The following UMAD1 variants were observed in gnomAD, a reference collection of about 807,000 sequenced individuals.
UMAD1 encodes UBAP1-MVB12-associated (UMA)-domain containing protein 1.
In UMAD1, 8 loss-of-function variants were observed where a neutral mutation model predicts 6.1. That is an observed-to-expected ratio of 1.30 (90% CI 0.76 to 2.35). The LOEUF (loss-of-function observed/expected upper bound fraction) is 2.35, where lower values mean the gene tolerates loss of function less well. Ranked by LOEUF, UMAD1 falls within the 30% of genes most tolerant of loss-of-function variation. The pLI is 0.00. For synonymous variants in UMAD1, 56 were observed against 31.4 expected (o/e 1.78, Z -2.61); for missense variants, 130 against 78.4 (o/e 1.66, Z -2.49).
chr7:7,647,681 C>T (rs7795947), intron 1 of UMAD1, among the ~76,000 whole-genome samples: 1 of 152,166 alleles, frequency 6.6e-6, no homozygotes, highest in Non-Finnish European at 1.5e-5. Flanking sequence ...GATTGTGGTG[C>T]AATGCAGCCT....
chr7:7,794,739 G>A (rs913793991), intron 2 of UMAD1, among the ~76,000 whole-genome samples: 1 of 152,230 alleles, frequency 6.6e-6, no homozygotes, highest in South Asian at 2.1e-4. Flanking sequence ...CTTGACATAC[G>A]TTGAAATGGC....
chr7:7,715,242 C>T (rs1228681685), intron 2 of UMAD1: 1 of 152,072 alleles, frequency 6.6e-6, no homozygotes, highest in African/African-American at 2.4e-5. Context: ...ACAAAGTGAA[C>T]TACAAGTAGG....
intron 2 of UMAD1, among the ~76,000 whole-genome samples, chr7:7,771,107 G>A (rs1173192560): frequency 6.7e-6 from 1 of 149,042 alleles, no homozygotes; most frequent in Non-Finnish European, 1.5e-5. Context: ...ATTTTTGTTA[G>A]ATGGAGGTTT....
chr7:7,710,503 G>A (rs1780727829), intron 2 of UMAD1, among the ~76,000 whole-genome samples: 1 of 152,162 alleles, frequency 6.6e-6, no homozygotes, highest in Non-Finnish European at 1.5e-5. Context: ...AAACCATAAT[G>A]ATAGGTCTCT....
At chr7:7,680,580 T>C (rs973201244) in intron 2 of UMAD1, among the ~76,000 whole-genome samples, 3 of 152,142 alleles carry the variant, frequency 2.0e-5, no homozygotes, top group African/African-American at 7.2e-5. Context: ...GTGAAGAATG[T>C]CTTTGGTATT....
intron 3 of UMAD1, among the ~76,000 whole-genome samples, chr7:7,855,042 T>G (rs779488304): frequency 6.6e-6 from 1 of 152,248 alleles, no homozygotes; most frequent in Middle Eastern, 3.2e-3. Context: ...ATGTCTCATA[T>G]CCAGGTTATG....
At chr7:7,642,641 T>G (rs1785000454) in intron 1 of UMAD1, among the ~76,000 whole-genome samples, 1 of 152,196 alleles carries the variant, frequency 6.6e-6, no homozygotes. Flanking sequence ...TAAAATATTA[T>G]AAAATACATG....
intron 3 of UMAD1, among the ~76,000 whole-genome samples, chr7:7,824,763 G>A (rs1402610870): frequency 2.6e-5 from 4 of 152,090 alleles, no homozygotes; most frequent in African/African-American, 4.8e-5. Flanking sequence ...GTGCCTGAGT[G>A]GATCAGCTTT....
intron 1 of UMAD1, among the ~76,000 whole-genome samples, chr7:7,663,049 T>G (rs1785513643): frequency 6.6e-6 from 1 of 152,128 alleles, no homozygotes; most frequent in Admixed American, 6.5e-5. Flanking sequence ...GAAAATAGAT[T>G]TCTTATTATA....
At chr7:7,842,196 T>G (rs1185337064) in intron 3 of UMAD1, among the ~76,000 whole-genome samples, 1 of 152,222 alleles carries the variant, frequency 6.6e-6, no homozygotes, top group Non-Finnish European at 1.5e-5. Flanking sequence ...TGACACTGAG[T>G]GGCTTAGTTC....
At chr7:7,829,535 G>C (rs974768596) in intron 3 of UMAD1, among the ~76,000 whole-genome samples, 2 of 152,114 alleles carry the variant, frequency 1.3e-5, no homozygotes, top group African/African-American at 2.4e-5. Flanking sequence ...ACAAAAAAAG[G>C]AATGTGCTGA....
chr7:7,754,194 A>G (rs1485069295), intron 2 of UMAD1, among the ~76,000 whole-genome samples: 1 of 152,150 alleles, frequency 6.6e-6, no homozygotes, highest in Non-Finnish European at 1.5e-5. Flanking sequence ...TCAAAAAAGA[A>G]AGAAAAAAAA....
chr7:7,839,644 GA>G (rs1221208932), intron 3 of UMAD1, among the ~76,000 whole-genome samples: 2 of 152,174 alleles, frequency 1.3e-5, no homozygotes, highest in African/African-American at 4.8e-5. Context: ...GAGAGAGGGG[GA>G]AAAGTCATAA....
rs537137454 is a variant in UMAD1 at position 7,747,667 on chromosome 7, T to G, written c.83-54003T>G. ...CAAAACAGAACAAACATGGAGGTTTTTGGTCCTTTCATCTCTAGCATTGAG... is the reference window on the plus strand; with the variant it reads ...CAAAACAGAACAAACATGGAGGTTTGTGGTCCTTTCATCTCTAGCATTGAG... On this transcript the variant is annotated intron_variant, in intron 2 of 3. Coordinates refer to ENST00000682710, the MANE Select transcript of UMAD1 (RefSeq NM_001302348.2). 3.3e-5 allele frequency among the ~76,000 whole-genome samples: 5 copies of G among 152,336 alleles called. No individual in the cohort carries two copies. In the South Asian group the frequency reaches 6.2e-4, roughly 19 times the overall value.
intron 2 of UMAD1, among the ~76,000 whole-genome samples, chr7:7,731,307 T>C (rs1781247043): frequency 2.0e-5 from 3 of 152,040 alleles, no homozygotes; most frequent in Non-Finnish European, 2.9e-5. Flanking sequence ...GCCTCAAATA[T>C]GTGTTTTAAG....
chr7:7,690,501 T>C (rs540972884), intron 2 of UMAD1, among the ~76,000 whole-genome samples: 1 of 152,272 alleles, frequency 6.6e-6, no homozygotes, highest in South Asian at 2.1e-4. Flanking sequence ...TTTTTAAATG[T>C]TTACTTTTTT....
intron 2 of UMAD1, among the ~76,000 whole-genome samples, chr7:7,680,867 C>T (rs903127586): frequency 3.3e-5 from 5 of 151,190 alleles, no homozygotes; most frequent in Non-Finnish European, 7.4e-5. Context: ...TATAAAAATG[C>T]TATTGATTTT....
intron 1 of UMAD1, among the ~76,000 whole-genome samples, chr7:7,642,745 C>T (rs1785003225): frequency 6.6e-6 from 1 of 152,140 alleles, no homozygotes; most frequent in Non-Finnish European, 1.5e-5. Flanking sequence ...AGAAATGGAA[C>T]TTTACCAGTT....
chr7:7,730,966 G>C (rs1038415272), intron 2 of UMAD1, among the ~76,000 whole-genome samples: 1 of 152,110 alleles, frequency 6.6e-6, no homozygotes, highest in Admixed American at 6.6e-5. Context: ...AGTTCCTCCT[G>C]GGGGAAAGGA....
Sources: allele counts gnomAD v4.1 joint callset (sites outside exome capture counted in the v4.1 genomes callset), GRCh38; gene constraint gnomAD v4.1.1; transcripts MANE v1.5; gene names NCBI Gene and HGNC (gene_info 2026-07-23, HGNC 2026-07-21).